ARID5B: variants seen among roughly 807,000 people sequenced by gnomAD.
ARID5B encodes the protein AT-rich interactive domain-containing protein 5B.
In ARID5B, 13 loss-of-function variants were observed where a neutral mutation model predicts 97.2. The observed-to-expected ratio is 0.13, with a 90% CI of 0.09 to 0.21. ARID5B has a LOEUF of 0.21. Ranked by LOEUF, ARID5B falls within the 10% of genes least tolerant of loss-of-function variation. The probability of loss-of-function intolerance (pLI) is 1.00; values close to 1 mark genes in which losing one functional copy is unlikely to be tolerated. For missense variants in ARID5B, 1,210 were observed against 1,465.3 expected, an observed-to-expected ratio of 0.83 and a Z score of 2.84; for synonymous variants, 556 against 570.3, an observed-to-expected ratio of 0.97 and a Z score of 0.36.
chr10:61,986,401 G>A (rs190868836), intron 3 of ARID5B, among the ~76,000 whole-genome samples: 1 of 152,312 alleles, frequency 6.6e-6, no homozygotes, highest in African/African-American at 2.4e-5. Flanking sequence ...TAATTATACA[G>A]TGTTAAGCTG....
intron 3 of ARID5B, among the ~76,000 whole-genome samples, chr10:61,950,345 A>G (rs10994982): frequency 0.48 from 73,563 of 151,904 alleles, 17,972 homozygotes; most frequent in Non-Finnish European, 0.52. Flanking sequence ...TGAGAATGCA[A>G]CACTGACTCT....
chr10:61,923,560 T>C (rs1223882648), intron 2 of ARID5B, among the ~76,000 whole-genome samples: 1 of 152,260 alleles, frequency 6.6e-6, no homozygotes, highest in East Asian at 1.9e-4. Flanking sequence ...TTTTTCATTA[T>C]ATAAACCACA....
At chr10:61,972,148 T>G (rs1339434888) in intron 3 of ARID5B, among the ~76,000 whole-genome samples, 7 of 152,082 alleles carry the variant, frequency 4.6e-5, no homozygotes, top group Non-Finnish European at 2.9e-5. Context: ...ATTTGCCTGT[T>G]ATTCTATATT....
chr10:62,031,185 G>C (rs1006981612), intron 4 of ARID5B, among the ~76,000 whole-genome samples: 1 of 152,166 alleles, frequency 6.6e-6, no homozygotes, highest in Non-Finnish European at 1.5e-5. Context: ...AGTAAGCCAC[G>C]ACCATGCCAT....
chr10:62,092,818 C>T lies in ARID5B; in HGVS notation c.3355C>T (p.Leu1119=), dbSNP rs776448097. The change falls in exon 10 of 10, where the codon CTG becomes TTG. Residue 1119 remains leucine (L), a synonymous_variant. Coordinates refer to ENST00000279873, the MANE Select transcript of ARID5B (RefSeq NM_032199.3). Reference sequence around the variant, plus strand: ...TGTGCTTTCTCCACTCATGCAGCCCCTGGCTTTCCACTCGCTTGTGATGCA... The same window carrying T: ...TGTGCTTTCTCCACTCATGCAGCCCTTGGCTTTCCACTCGCTTGTGATGCA... ...QTVLSPLMQP[L]AFHSLVMQRG... 110 of 1,614,130 alleles carry T rather than the reference C, an allele frequency of 6.8e-5. No individual in the cohort carries two copies. Among genetic ancestry groups the T allele is most frequent in the Non-Finnish European group, 8.9e-5 (105 of 1,180,052 alleles).
chr10:61,927,813 G>C (rs1055209031), intron 2 of ARID5B, among the ~76,000 whole-genome samples: 1 of 152,178 alleles, frequency 6.6e-6, no homozygotes, highest in Non-Finnish European at 1.5e-5. Flanking sequence ...AGAAAATAAA[G>C]GATATTATAA....
chr10:61,901,756 G>GATCCCGGCAC (rs1564595498), intron 1 of ARID5B, 26 bp downstream of exon 1: 9 of 1,611,710 alleles, frequency 5.6e-6, no homozygotes, highest in Non-Finnish European at 6.8e-6. Flanking sequence ...CCGCTCCTCC[G>GATCCCGGCAC]ATCCCGGCAC....
chr10:61,968,179 C>A (rs1838572861), intron 3 of ARID5B, among the ~76,000 whole-genome samples: 1 of 130,908 alleles, frequency 7.6e-6, no homozygotes, highest in African/African-American at 2.9e-5. Flanking sequence ...CACACACACA[C>A]ATATTTATAC....
At chr10:61,923,805 C>G (rs1405331016) in intron 2 of ARID5B, among the ~76,000 whole-genome samples, 10 of 152,210 alleles carry the variant, frequency 6.6e-5, no homozygotes. Flanking sequence ...TTCTGAAGGG[C>G]AGCACCATGT....
At chr10:62,036,343 T>A (rs1375884069) in intron 4 of ARID5B, among the ~76,000 whole-genome samples, 1 of 151,978 alleles carries the variant, frequency 6.6e-6, no homozygotes, top group African/African-American at 2.4e-5. Context: ...AGGTCCTGAG[T>A]TCCCAAAGCC....
rs372312098 is a variant in ARID5B, at chr10:61,990,641, T to G, written c.503-9450T>G. On this transcript the variant is annotated intron_variant, in intron 3 of 9. Coordinates refer to ENST00000279873, the MANE Select transcript of ARID5B (RefSeq NM_032199.3). ...CTGTGCCCTCCAGGATATATTCTAG[T>G]TGTGGATTGGAGAGACACCACTTTT... Among the ~76,000 whole-genome samples, 50 of 152,202 alleles carry G rather than the reference T, an allele frequency of 3.3e-4. 2 individuals are homozygous for G. The highest frequency in any genetic ancestry group is 1.2e-3 in the East Asian group (6 of 5,202).
intron 7 of ARID5B, among the ~76,000 whole-genome samples, chr10:62,067,959 C>T (rs117371895): frequency 0.022 from 3,385 of 152,304 alleles, 67 homozygotes; most frequent in Middle Eastern, 0.068. Flanking sequence ...TGTTTTCTAA[C>T]CCTGTTGTCA....
chr10:61,909,317 A>ATTTTTT (rs1843759447), intron 2 of ARID5B, among the ~76,000 whole-genome samples: 2 of 97,416 alleles, frequency 2.1e-5, no homozygotes, highest in Non-Finnish European at 4.3e-5. Context: ...CTATTCAGTG[A>ATTTTTT]GTTTTTTTTT....
At chr10:62,021,068 A>ATATATATATATC (rs1193110744) in intron 4 of ARID5B, among the ~76,000 whole-genome samples, 1 of 134,776 alleles carries the variant, frequency 7.4e-6, no homozygotes, top group African/African-American at 2.8e-5. Flanking sequence ...ATATATATAT[A>ATATATATATATC]TCTCAGAAGA....
At chr10:61,951,942 A>G (rs1838329403) in intron 3 of ARID5B, among the ~76,000 whole-genome samples, 1 of 152,034 alleles carries the variant, frequency 6.6e-6, no homozygotes. Context: ...GGTGTTTCAT[A>G]CTTTAATTAT....
chr10:62,044,115 G>A (rs890697031), intron 4 of ARID5B, among the ~76,000 whole-genome samples: 5 of 151,874 alleles, frequency 3.3e-5, no homozygotes, highest in African/African-American at 1.2e-4. Context: ...TGGATTCTGT[G>A]AGAGCAGAGT....
intron 5 of ARID5B, among the ~76,000 whole-genome samples, chr10:62,055,141 T>C (rs1839838710): frequency 6.6e-6 from 1 of 152,218 alleles, no homozygotes; most frequent in Non-Finnish European, 1.5e-5. Context: ...GTGGTAGGTT[T>C]CGTAATGCCT....
chr10:61,902,234 C>A lies in ARID5B; in HGVS notation c.97C>A (p.Pro33Thr). Residue 33 changes from proline (P) to threonine (T), a missense_variant, in exon 2 of 10, where the codon CCA becomes ACA. Coordinates refer to ENST00000279873, the MANE Select transcript of ARID5B (RefSeq NM_032199.3). Reference protein sequence around the residue: ...KAFQFHLEGKPRILSLGDFFF... With the variant: ...KAFQFHLEGKTRILSLGDFFF... ...TTTTCAATTCCACCTTGAAGGCAAA[C>A]CAAGAATTTTGTCCCTTGGCGACTT... The A allele has an allele frequency of 2.5e-6, 4 of 1,613,972 alleles. No homozygotes were observed. Among genetic ancestry groups the A allele is most frequent in the Non-Finnish European group, 2.5e-6 (3 of 1,180,018 alleles).
chr10:62,053,983 A>G (rs1839823941), intron 5 of ARID5B, among the ~76,000 whole-genome samples: 2 of 152,224 alleles, frequency 1.3e-5, no homozygotes. Context: ...CTGGTTCAGC[A>G]CATCTTACTG....
Sources: allele counts gnomAD v4.1 joint callset (sites outside exome capture counted in the v4.1 genomes callset), GRCh38; gene constraint gnomAD v4.1.1; transcripts MANE v1.5; gene names NCBI Gene and HGNC (gene_info 2026-07-23, HGNC 2026-07-21).